Variants in NEK1 observed in about 807,000 individuals in gnomAD.
NEK1 encodes serine/threonine-protein kinase Nek1.
In NEK1, 137 loss-of-function variants were observed where a neutral mutation model predicts 182.1. The ratio of observed to expected loss-of-function variants is 0.75; its 90% CI spans 0.65 to 0.87. NEK1 has a LOEUF of 0.87. Ranked by LOEUF, NEK1 falls within the 40% of genes least tolerant of loss-of-function variation. NEK1 has a pLI of 0.00. For synonymous variants in NEK1, 513 were observed against 492.2 expected (o/e 1.04, Z -0.56); for missense variants, 1,391 against 1,494.4 (o/e 0.93, Z 1.14).
intron 18 of NEK1, among the ~76,000 whole-genome samples, chr4:169,553,339 T>C (rs539600202): frequency 7.2e-5 from 11 of 152,314 alleles, no homozygotes; most frequent in Admixed American, 7.2e-4. Flanking sequence ...ACAGACCTTA[T>C]ATCCTTCACA....
rs992035377 is a variant in NEK1, at chr4:169,507,132, C to A, written c.1912G>T (p.Ala638Ser). 1.3e-6 allele frequency: 2 copies of A among 1,572,012 alleles called. No homozygotes were observed. Among genetic ancestry groups the A allele is most frequent in the Non-Finnish European group, 1.7e-6 (2 of 1,161,570 alleles). The change falls in exon 23 of 36, where the codon GCC (alanine) becomes TCC (serine). Residue 638 changes from alanine to serine, a missense_variant and splice_region_variant. By Grantham distance (99) the Ala-to-Ser change is moderately conservative. This residue lies in a region of NEK1 where 1,216 missense variants were observed against 1,277.6 expected (regional missense o/e 0.95). Coordinates refer to ENST00000507142, the MANE Select transcript of NEK1 (RefSeq NM_001199397.3). ...ACAGCAGCACGTGCATTTGCATGGG[C>A]CTAAAAATAAAAACAATTAACAAAA... Reference protein sequence around the residue: ...MRRKKIESLKAHANARAAVLK... With the variant: ...MRRKKIESLKSHANARAAVLK...
chr4:169,530,461 T>C (rs1757500003), intron 19 of NEK1, among the ~76,000 whole-genome samples: 1 of 152,148 alleles, frequency 6.6e-6, no homozygotes, highest in Non-Finnish European at 1.5e-5. Flanking sequence ...TATTACAAAA[T>C]AGACTTTGTG....
At chr4:169,590,240 G>A (rs1336959734) in intron 6 of NEK1, among the ~76,000 whole-genome samples, 11 of 152,096 alleles carry the variant, frequency 7.2e-5, no homozygotes, top group South Asian at 4.1e-4. Context: ...CCTGGGAGGC[G>A]GAGGTTGTGG....
chr4:169,449,403 T>C (rs1741269450), intron 27 of NEK1, among the ~76,000 whole-genome samples: 1 of 152,170 alleles, frequency 6.6e-6, no homozygotes, highest in Admixed American at 6.5e-5. Flanking sequence ...CATCTCCCAG[T>C]AGGGGCTGAC....
At chr4:169,530,756 C>T (rs556901530) in intron 19 of NEK1, among the ~76,000 whole-genome samples, 2 of 149,550 alleles carry the variant, frequency 1.3e-5, no homozygotes, top group African/African-American at 4.9e-5. Flanking sequence ...TAAGGGTTGG[C>T]GGGGGGTGAT....
intron 26 of NEK1, among the ~76,000 whole-genome samples, chr4:169,469,484 CCGTT>C (rs1745532670): frequency 6.6e-6 from 1 of 152,102 alleles, no homozygotes; most frequent in African/African-American, 2.4e-5. Context: ...GTCTGAGAGA[CCGTT>C]TGTTATGATT....
chr4:169,534,972 A>T (rs1445805548), intron 19 of NEK1, among the ~76,000 whole-genome samples: 1 of 152,204 alleles, frequency 6.6e-6, no homozygotes, highest in Non-Finnish European at 1.5e-5. Flanking sequence ...AACATGAAGA[A>T]AAGTGGGGGA....
chr4:169,483,003 G>T (rs1469556968), intron 23 of NEK1, among the ~76,000 whole-genome samples: 6 of 152,166 alleles, frequency 3.9e-5, no homozygotes, highest in African/African-American at 1.4e-4. Flanking sequence ...ACTGGCGCAA[G>T]AGGCTTAATT....
In NEK1 at chr4:169,562,174, C is replaced by T. The variant is rs907104632; in HGVS notation, c.1043G>A (p.Arg348Lys). 1.9e-6 allele frequency: 3 copies of T among 1,548,640 alleles called. No individual in the cohort carries two copies. The highest frequency in any genetic ancestry group is 2.7e-5 in the African/African-American group (2 of 72,806). Reference protein sequence around the residue: ...HKQAHQTPEKRVNTGEERRKI... With the variant: ...HKQAHQTPEKKVNTGEERRKI... Reference sequence around the variant, plus strand: ...CCTCCTTTCTTCTCCAGTATTCACTCTCTTCTCTGGAGTTTGATGGGCCTG... The same window carrying T: ...CCTCCTTTCTTCTCCAGTATTCACTTTCTTCTCTGGAGTTTGATGGGCCTG... Residue 348 changes from arginine to lysine, a missense_variant, in exon 13 of 36, where the codon AGA becomes AAA. Physicochemically the swap from Arg to Lys is conservative, Grantham distance 26 (BLOSUM62 2). Transcript: ENST00000507142.
At chr4:169,603,997 G>C (rs942750580) in intron 2 of NEK1, among the ~76,000 whole-genome samples, 1 of 151,846 alleles carries the variant, frequency 6.6e-6, no homozygotes, top group East Asian at 1.9e-4. Flanking sequence ...CACCATGAGC[G>C]GCCACATTTA....
chr4:169,451,589 G>C (rs1374320843), intron 27 of NEK1, among the ~76,000 whole-genome samples: 3 of 152,176 alleles, frequency 2.0e-5, no homozygotes, highest in Admixed American at 6.5e-5. Flanking sequence ...TGAAACCAAT[G>C]AGAACAAAGA....
At chr4:169,545,466 T>A (rs1760260754) in intron 18 of NEK1, among the ~76,000 whole-genome samples, 1 of 150,236 alleles carries the variant, frequency 6.7e-6, no homozygotes, top group African/African-American at 2.5e-5. Context: ...GACATTTGGG[T>A]TGGTTCCAAG....
At position 169,426,337 on chromosome 4, in the gene NEK1, T is replaced by C. The variant is rs1010211074; in HGVS notation, c.2886-103A>G. Reference sequence around the variant, plus strand: ...ATGGAACACAAGTTCACTAGCATTCTTTGATCCCTCTTCCAAGTATTTTTC... The same window carrying C: ...ATGGAACACAAGTTCACTAGCATTCCTTGATCCCTCTTCCAAGTATTTTTC... On this transcript the variant is annotated intron_variant, in intron 29 of 35. Coordinates refer to ENST00000507142, the MANE Select transcript of NEK1 (RefSeq NM_001199397.3). The C allele has an allele frequency of 3.6e-6, 3 of 833,506 alleles. No homozygotes were observed. The African/African-American group carries it at 5.1e-5, about 14-fold the overall frequency. 51.6% of individuals were successfully genotyped at this position (833,506 alleles called of 1,614,324 possible).
intron 11 of NEK1, among the ~76,000 whole-genome samples, chr4:169,578,009 T>C (rs1580911373): frequency 6.6e-6 from 1 of 152,080 alleles, no homozygotes; most frequent in African/African-American, 2.4e-5. Context: ...AAATATAAAT[T>C]GGTTACACTT....
chr4:169,401,547 G>A (rs1422280926), intron 33 of NEK1, 105 bp downstream of exon 33: 2 of 839,138 alleles, frequency 2.4e-6, no homozygotes, highest in South Asian at 2.3e-5. Context: ...TGCTTCAGTT[G>A]TATTTAAAGT....
chr4:169,506,397 T>C (rs930644396), intron 23 of NEK1, among the ~76,000 whole-genome samples: 3 of 152,188 alleles, frequency 2.0e-5, no homozygotes, highest in Non-Finnish European at 4.4e-5. Context: ...AGAAGGATGA[T>C]GTAGTCATTA....
intron 19 of NEK1, among the ~76,000 whole-genome samples, chr4:169,536,811 G>T (rs1758580264): frequency 6.6e-6 from 1 of 152,138 alleles, no homozygotes; most frequent in Admixed American, 6.6e-5. Flanking sequence ...TAACATGGGA[G>T]ATATGAGCAA....
intron 27 of NEK1, among the ~76,000 whole-genome samples, chr4:169,439,204 G>C (rs1336901818): frequency 1.3e-5 from 2 of 152,046 alleles, no homozygotes; most frequent in African/African-American, 2.4e-5. Flanking sequence ...GCATACACAG[G>C]GTTAAAATGG....
intron 32 of NEK1, among the ~76,000 whole-genome samples, chr4:169,403,580 T>A (rs1010341838): frequency 1.3e-5 from 2 of 151,922 alleles, no homozygotes; most frequent in African/African-American, 4.8e-5. Context: ...CCCCAAAAAA[T>A]TTTATTATTA....
Sources: allele counts gnomAD v4.1 joint callset (sites outside exome capture counted in the v4.1 genomes callset), GRCh38; gene constraint gnomAD v4.1.1; regional missense constraint gnomAD v4.1.1; transcripts MANE v1.5; gene names NCBI Gene and HGNC (gene_info 2026-07-23, HGNC 2026-07-21).